SIPA1L3: variants seen among roughly 807,000 people sequenced by gnomAD.
The protein encoded by SIPA1L3 is signal induced proliferation associated 1 like 3.
Under a neutral mutation model 150.1 loss-of-function variants are expected in SIPA1L3, and 59 were observed. The ratio of observed to expected loss-of-function variants is 0.39; its 90% confidence interval spans 0.32 to 0.49. SIPA1L3 has a LOEUF of 0.49. Among genes scored for constraint, SIPA1L3 ranks in the 20% least tolerant of loss-of-function variants. The probability of loss-of-function intolerance (pLI) is 0.86; values close to 1 mark genes in which losing one functional copy is unlikely to be tolerated. For missense variants in SIPA1L3, 2,211 were observed against 2,489.5 expected, an observed-to-expected ratio of 0.89 and a Z score of 2.38; for synonymous variants, 1,070 against 1,077.6, an observed-to-expected ratio of 0.99 and a Z score of 0.14.
chr19:38,170,946 G>T lies in SIPA1L3; in HGVS notation c.4208+6040G>T, dbSNP rs1330020838. Reference sequence around the variant, plus strand: ...GTATTTGCTCTGTTTTTGAAATTGTGTGTATATATGCAACATATATATAGA... The same window carrying T: ...GTATTTGCTCTGTTTTTGAAATTGTTTGTATATATGCAACATATATATAGA... On this transcript the variant is annotated intron_variant, in intron 15 of 21. Coordinates refer to ENST00000222345, the MANE Select transcript of SIPA1L3 (RefSeq NM_015073.3). Among the ~76,000 whole-genome samples the T allele has an allele frequency of 1.3e-4, 19 of 143,914 alleles. No homozygotes were observed. The Admixed American group carries it at 1.3e-3, about 10-fold the overall frequency. 94.4% of individuals were successfully genotyped at this position (143,914 alleles called of 152,430 possible). A position where few individuals can be genotyped will look rare whatever the true frequency, so the allele number is the denominator to read the frequency against.
intron 2 of SIPA1L3, among the ~76,000 whole-genome samples, chr19:38,078,161 C>G (rs1159022262): frequency 6.6e-6 from 1 of 152,142 alleles, no homozygotes; most frequent in East Asian, 1.9e-4. Context: ...ACCCTGAGGG[C>G]TTTCCAGCTT....
intron 2 of SIPA1L3, among the ~76,000 whole-genome samples, chr19:38,044,809 G>A (rs144551071): frequency 2.3e-3 from 356 of 152,204 alleles, no homozygotes; most frequent in African/African-American, 8.3e-3. Flanking sequence ...GATGATGATG[G>A]GGAAGGAGAA....
At chr19:37,930,491 C>G (rs1222860158) in intron 1 of SIPA1L3, among the ~76,000 whole-genome samples, 1 of 152,086 alleles carries the variant, frequency 6.6e-6, no homozygotes, top group African/African-American at 2.4e-5. Context: ...TTTTATAATC[C>G]TGCACCCCCT....
Position 38,101,315 on chromosome 19 carries a change from G to A in SIPA1L3, c.2029+89G>A, listed in dbSNP as rs1600070805. 3 of 958,986 alleles carry A rather than the reference G, an allele frequency of 3.1e-6. No homozygotes were observed. The East Asian group carries it at 9.1e-5, about 29-fold the overall frequency. 59.4% of individuals were successfully genotyped at this position (958,986 alleles called of 1,614,324 possible). On this transcript the variant is annotated intron_variant, in intron 6 of 21. Transcript: ENST00000222345. ...TTAAAAGGCCTGGGGATGCCACGGT[G>A]GGGACGTGGAGCAGTGGGAGCTCTC... is the stretch of plus-strand genomic sequence containing the variant.
intron 2 of SIPA1L3, among the ~76,000 whole-genome samples, chr19:38,056,556 A>AT (rs1296692070): frequency 6.6e-6 from 1 of 152,074 alleles, no homozygotes; most frequent in African/African-American, 2.4e-5. Flanking sequence ...CTTTAGACTG[A>AT]TTTGTGTGCT....
rs765383686 is a variant in SIPA1L3 at position 38,081,945 on chromosome 19, C to T, written c.380C>T (p.Thr127Ile). ...AGCATACAGAACGGACAGCCCCCCA[C>T]CAGCACCCCGGCTTCCTCAGGGTCC... ...MRSIQNGQPP[T>I]STPASSGSKA... The change falls in exon 3 of 22, where the codon ACC becomes ATC. Residue 127 changes from threonine (T) to isoleucine (I), a missense_variant. Physicochemically the swap from Thr to Ile is moderately conservative, Grantham distance 89. Around this residue, in one of 5 missense-constraint regions of SIPA1L3, gnomAD observed 587 missense variants for 534.5 expected, o/e 1.10. Transcript: ENST00000222345. 14 of 1,614,164 alleles carry T rather than the reference C, an allele frequency of 8.7e-6. No individual in the cohort carries two copies. In the South Asian group the frequency reaches 1.3e-4, roughly 15 times the overall value.
chr19:38,001,311 G>A (rs556281671), intron 1 of SIPA1L3, among the ~76,000 whole-genome samples: 9 of 151,902 alleles, frequency 5.9e-5, no homozygotes, highest in Non-Finnish European at 1.0e-4. Context: ...CCATTCTTCC[G>A]CCTGCCCAGA....
chr19:37,933,195 C>CT (rs1347220519), intron 1 of SIPA1L3, among the ~76,000 whole-genome samples: 3 of 151,876 alleles, frequency 2.0e-5, no homozygotes, highest in African/African-American at 7.3e-5. Context: ...CTCTCAGCTG[C>CT]TTGCTTGCTG....
intron 13 of SIPA1L3, among the ~76,000 whole-genome samples, chr19:38,157,056 CAA>C (rs1176660854): frequency 6.6e-6 from 1 of 151,922 alleles, no homozygotes; most frequent in Admixed American, 6.6e-5. Context: ...CCCAGCTGCT[CAA>C]GAGGCTGAGG....
Position 38,119,661 on chromosome 19 carries a change from G to A in SIPA1L3, c.2647G>A (p.Gly883Arg), listed in dbSNP as rs777743142. 6.2e-7 allele frequency: 1 copy of A among 1,614,206 alleles called. No individual in the cohort carries two copies. Among genetic ancestry groups the A allele is most frequent in the Non-Finnish European group, 8.5e-7 (1 of 1,180,024 alleles). ...WRVVAQDYAQGVEIDCILGIS... is the reference protein window; with the variant it reads ...WRVVAQDYAQRVEIDCILGIS... ...GGTGGTGGCCCAGGACTACGCCCAG[G>A]GGGTGGAAATCGACTGCATTTTGGG... The change falls in exon 9 of 22, where the codon GGG becomes AGG. Residue 883 changes from glycine (G) to arginine (R), a missense_variant. Physicochemically the swap from Gly to Arg is moderately radical, Grantham distance 125. Transcript: ENST00000222345.
chr19:38,076,150 A>G (rs968364209), intron 2 of SIPA1L3, among the ~76,000 whole-genome samples: 1 of 151,910 alleles, frequency 6.6e-6, no homozygotes, highest in African/African-American at 2.4e-5. Context: ...AAAAAATAAT[A>G]ATAATAATAA....
chr19:38,127,726 T>G (rs1335000390), intron 9 of SIPA1L3, among the ~76,000 whole-genome samples: 2 of 152,120 alleles, frequency 1.3e-5, no homozygotes, highest in Non-Finnish European at 2.9e-5. Flanking sequence ...CTTGAACTCC[T>G]GGGCTCAAGC....
At chr19:38,142,744 ATC>A in intron 12 of SIPA1L3, 34 bp downstream of exon 12, 1 of 1,595,022 alleles carries the variant, frequency 6.3e-7, no homozygotes, top group Non-Finnish European at 8.6e-7. Context: ...ATGTTAAGGG[ATC>A]TGATGAAAGC....
chr19:37,948,100 A>G (rs1029076072), intron 1 of SIPA1L3, among the ~76,000 whole-genome samples: 7 of 152,234 alleles, frequency 4.6e-5, no homozygotes, highest in African/African-American at 1.7e-4. Flanking sequence ...CGGAAGTGTC[A>G]TGAAAGACTC....
At chr19:37,916,971 A>T (rs997999641) in intron 1 of SIPA1L3, among the ~76,000 whole-genome samples, 2 of 150,686 alleles carry the variant, frequency 1.3e-5, no homozygotes, top group Admixed American at 6.6e-5. Context: ...AAAAAAAAAA[A>T]TGTGGGTCAC....
chr19:38,078,730 C>A (rs557403172), intron 2 of SIPA1L3, among the ~76,000 whole-genome samples: 2 of 152,286 alleles, frequency 1.3e-5, no homozygotes, highest in African/African-American at 4.8e-5. Flanking sequence ...TCACCTTGAA[C>A]CAAGTGCGTG....
At chr19:38,148,733 T>A (rs1198751358) in intron 12 of SIPA1L3, among the ~76,000 whole-genome samples, 2 of 152,172 alleles carry the variant, frequency 1.3e-5, no homozygotes, top group Non-Finnish European at 2.9e-5. Flanking sequence ...CAGCGTCCCG[T>A]AGCCCAACCC....
chr19:38,076,837 T>C (rs980208452), intron 2 of SIPA1L3, among the ~76,000 whole-genome samples: 1 of 152,218 alleles, frequency 6.6e-6, no homozygotes, highest in African/African-American at 2.4e-5. Context: ...TGTCACTGCC[T>C]GTATGCCAGC....
intron 1 of SIPA1L3, among the ~76,000 whole-genome samples, chr19:37,908,685 G>GT (rs1158344188): frequency 1.3e-5 from 2 of 151,892 alleles, no homozygotes; most frequent in Non-Finnish European, 2.9e-5. Context: ...CAAAGTTAGT[G>GT]TTTTTTTATC....
Sources: gnomAD v4.1 joint callset for allele counts (sites outside exome capture counted in the v4.1 genomes callset) on GRCh38, gnomAD v4.1.1 for gene constraint, gnomAD v4.1.1 regional missense constraint, MANE v1.5 for transcripts, NCBI Gene and HGNC (gene_info 2026-07-23, HGNC 2026-07-21) for gene names.